The following DOCK3 variants were observed in gnomAD, a reference collection of about 807,000 sequenced individuals.
DOCK3 encodes the protein dedicator of cytokinesis 3.
In DOCK3, 60 loss-of-function variants were observed where a neutral mutation model predicts 265.6. The ratio of observed to expected loss-of-function variants is 0.23; its 90% CI spans 0.18 to 0.28. The LOEUF (loss-of-function observed/expected upper bound fraction) is 0.28. DOCK3 is among the 10% of genes least tolerant of loss of function. DOCK3 has a pLI of 1.00. For missense variants in DOCK3, 1,981 were observed against 2,594.3 expected (o/e 0.76, Z 5.14); for synonymous variants, 881 against 938.0 (o/e 0.94, Z 1.11).
At chr3:51,302,399 T>C (rs949192798) in intron 27 of DOCK3, among the ~76,000 whole-genome samples, 1 of 152,222 alleles carries the variant, frequency 6.6e-6, no homozygotes, top group African/African-American at 2.4e-5. Flanking sequence ...ATTCTGTGTC[T>C]TTTAATTAGG....
chr3:50,842,667 A>G (rs1435664283), intron 3 of DOCK3, among the ~76,000 whole-genome samples: 1 of 152,056 alleles, frequency 6.6e-6, no homozygotes, highest in East Asian at 1.9e-4. Context: ...TGTGACAACA[A>G]AAGAGGACTT....
rs993377059 is a variant in DOCK3 at position 51,296,700 on chromosome 3, T to C, written c.2923-13532T>C. Among the ~76,000 whole-genome samples the C allele has an allele frequency of 3.4e-4, 51 of 152,016 alleles. 1 individual carries two copies. The highest frequency in any genetic ancestry group is 4.4e-5 in the Non-Finnish European group (3 of 67,994). ...ACTGTGTTAGCCAGGATGGTCTCGA[T>C]CTCCTGACCTTGTGATCCGCCCGCC... On this transcript the variant is annotated intron_variant, in intron 27 of 52. Coordinates refer to ENST00000266037, the MANE Select transcript of DOCK3 (RefSeq NM_004947.5).
intron 2 of DOCK3, among the ~76,000 whole-genome samples, chr3:50,824,259 A>G (rs535672956): frequency 2.0e-5 from 3 of 152,292 alleles, no homozygotes; most frequent in East Asian, 1.9e-4. Flanking sequence ...ACTTTTAACT[A>G]TAGTTCTCTG....
intron 6 of DOCK3, among the ~76,000 whole-genome samples, chr3:51,072,153 A>C (rs1249131282): frequency 2.0e-5 from 3 of 152,192 alleles, no homozygotes; most frequent in Non-Finnish European, 4.4e-5. Flanking sequence ...TGTATTCTTT[A>C]TGTCTAACAC....
intron 5 of DOCK3, among the ~76,000 whole-genome samples, chr3:50,962,907 C>T (rs745975874): frequency 6.6e-6 from 1 of 152,170 alleles, no homozygotes; most frequent in Non-Finnish European, 1.5e-5. Flanking sequence ...ATTATTTGGG[C>T]CAGGCGCAGT....
intron 5 of DOCK3, 81 bp from the exon 6 acceptor site, chr3:51,064,358 CACTTTTCAT>C: frequency 6.7e-7 from 1 of 1,496,186 alleles, no homozygotes; most frequent in Non-Finnish European, 9.1e-7. Flanking sequence ...GAGAAATGAG[CACTTTTCAT>C]AGTTTAACTA....
intron 12 of DOCK3, among the ~76,000 whole-genome samples, chr3:51,175,835 AAG>A (rs1308150588): frequency 6.6e-6 from 1 of 152,194 alleles, no homozygotes; most frequent in Non-Finnish European, 1.5e-5. Context: ...TAAGTCAGGT[AAG>A]GAAGTGCTCA....
intron 5 of DOCK3, among the ~76,000 whole-genome samples, chr3:51,017,788 G>T (rs1005451541): frequency 6.6e-6 from 1 of 151,708 alleles, no homozygotes. Context: ...TCATGGCTGA[G>T]AAAAAAATGC....
intron 1 of DOCK3, among the ~76,000 whole-genome samples, chr3:50,739,236 A>ATGCACAGGCATGCAT (rs2038852857): frequency 6.6e-6 from 1 of 152,202 alleles, no homozygotes. Context: ...CCACAGATAC[A>ATGCACAGGCATGCAT]TACCCAGGCA....
chr3:50,879,379 G>C (rs1420036192), intron 3 of DOCK3, among the ~76,000 whole-genome samples: 2 of 152,120 alleles, frequency 1.3e-5, no homozygotes, highest in Non-Finnish European at 2.9e-5. Flanking sequence ...ATATTCAGGA[G>C]ACCCATCTCA....
At chr3:50,936,435 C>T (rs1319605972) in intron 5 of DOCK3, among the ~76,000 whole-genome samples, 2 of 150,396 alleles carry the variant, frequency 1.3e-5, no homozygotes, top group Admixed American at 6.6e-5. Flanking sequence ...TGGCGGAAGA[C>T]ATAAGTGTTT....
chr3:50,801,629 C>T (rs1490836143), intron 2 of DOCK3, among the ~76,000 whole-genome samples: 1 of 152,050 alleles, frequency 6.6e-6, no homozygotes, highest in Non-Finnish European at 1.5e-5. Flanking sequence ...TATAGTTAAT[C>T]CTGGAGAATG....
intron 12 of DOCK3, among the ~76,000 whole-genome samples, chr3:51,161,656 A>G (rs2086149384): frequency 6.6e-6 from 1 of 152,118 alleles, no homozygotes; most frequent in African/African-American, 2.4e-5. Flanking sequence ...ATTTGCAGAA[A>G]AGCTAACAAT....
At chr3:51,016,555 A>ATTATATATT (rs2079262118) in intron 5 of DOCK3, among the ~76,000 whole-genome samples, 1 of 1,850 alleles carries the variant, frequency 5.4e-4, no homozygotes, top group Non-Finnish European at 7.3e-4. Context: ...ATTTATATAT[A>ATTATATATT]TCATATATTA....
chr3:51,375,699 A>G, intron 50 of DOCK3, 49 bp from the exon 51 acceptor site: 1 of 1,606,768 alleles, frequency 6.2e-7, no homozygotes, highest in Non-Finnish European at 8.5e-7. Context: ...GCCTCCCAAG[A>G]TATAATTGGT....
At chr3:51,252,848 C>G (rs1334688708) in intron 22 of DOCK3, among the ~76,000 whole-genome samples, 1 of 152,150 alleles carries the variant, frequency 6.6e-6, no homozygotes, top group Admixed American at 6.6e-5. Context: ...ATTCAATACC[C>G]TTTATTTCTT....
chr3:51,026,625 G>C (rs2079836201), intron 5 of DOCK3, among the ~76,000 whole-genome samples: 1 of 151,744 alleles, frequency 6.6e-6, no homozygotes, highest in Non-Finnish European at 1.5e-5. Flanking sequence ...GGCTTTTGTT[G>C]GTTGCTAGGC....
At chr3:51,283,601 A>G (rs2081253412) in intron 27 of DOCK3, among the ~76,000 whole-genome samples, 1 of 152,164 alleles carries the variant, frequency 6.6e-6, no homozygotes, top group Admixed American at 6.5e-5. Flanking sequence ...GAGTTAAAGG[A>G]GCAGACAAGT....
intron 5 of DOCK3, among the ~76,000 whole-genome samples, chr3:50,966,646 T>C (rs139097604): frequency 6.6e-6 from 1 of 152,230 alleles, no homozygotes; most frequent in Non-Finnish European, 1.5e-5. Flanking sequence ...TGGGAAAATA[T>C]CTATAGACAG....
Sources: gnomAD v4.1 joint callset for allele counts (sites outside exome capture counted in the v4.1 genomes callset) on GRCh38, gnomAD v4.1.1 for gene constraint, MANE v1.5 for transcripts, NCBI Gene and HGNC (gene_info 2026-07-23, HGNC 2026-07-21) for gene names.